The following CCDC171 variants were observed in gnomAD, a reference collection of about 807,000 sequenced individuals.
CCDC171 encodes the protein coiled-coil domain-containing protein 171.
Under a neutral mutation model 168.2 loss-of-function variants are expected in CCDC171, and 177 were observed. The ratio of observed to expected loss-of-function variants is 1.05; its 90% CI spans 0.93 to 1.19. The LOEUF is 1.19. Among genes scored for constraint, CCDC171 ranks in the 50% most tolerant of loss-of-function variants. CCDC171 has a pLI of 0.00. For synonymous variants in CCDC171, 687 were observed against 540.8 expected (o/e 1.27, Z -3.75); for missense variants, 1,991 against 1,539.0 (o/e 1.29, Z -4.91).
intron 6 of CCDC171, among the ~76,000 whole-genome samples, chr9:15,617,692 G>C (rs913755351): frequency 1.3e-5 from 2 of 152,038 alleles, no homozygotes; most frequent in Non-Finnish European, 2.9e-5. Flanking sequence ...GGGGGTTCTT[G>C]ATGTTGATGT....
chr9:15,784,590 C>G lies in CCDC171; in HGVS notation c.3163C>G (p.Leu1055Val), dbSNP rs1391854322. 1 of 1,612,836 alleles carries G rather than the reference C, an allele frequency of 6.2e-7. No homozygotes were observed. Among genetic ancestry groups the G allele is most frequent in the Non-Finnish European group, 8.5e-7 (1 of 1,179,076 alleles). ...ACTTCGGGAAGAGCAGGCACAAATG[C>G]TATTGAATGAACAGGCACAACAACT... is the stretch of plus-strand genomic sequence containing the variant. The part of the protein sequence containing the change: ...ALLREEQAQM[L>V]LNEQAQQLQE... The change falls in exon 21 of 26, where the codon CTA (leucine) becomes GTA (valine). Residue 1055 changes from leucine (L) to valine (V), a missense_variant. By Grantham distance (32) the Leu-to-Val change is conservative. Coordinates refer to ENST00000380701, the MANE Select transcript of CCDC171 (RefSeq NM_173550.4).
chr9:15,614,357 A>G (rs1254834832), intron 6 of CCDC171, among the ~76,000 whole-genome samples: 1 of 152,134 alleles, frequency 6.6e-6, no homozygotes, highest in Non-Finnish European at 1.5e-5. Flanking sequence ...TTCTGAGGCA[A>G]TTGATTTTTG....
chr9:16,078,424 G>A, the CCDC171 span, among the ~76,000 whole-genome samples: 1 of 152,168 alleles, frequency 6.6e-6, no homozygotes, highest in Non-Finnish European at 1.5e-5. Context: ...TGGCTGATCT[G>A]CATGCAGTTG....
intron 18 of CCDC171, among the ~76,000 whole-genome samples, chr9:15,751,139 A>T (rs2055711204): frequency 6.6e-6 from 1 of 152,194 alleles, no homozygotes; most frequent in Admixed American, 6.5e-5. Flanking sequence ...TAACAGTCCA[A>T]CAGAGAGCCA....
At chr9:15,576,869 C>T (rs781098610) in intron 3 of CCDC171, among the ~76,000 whole-genome samples, 3 of 152,138 alleles carry the variant, frequency 2.0e-5, no homozygotes, top group South Asian at 2.1e-4. Context: ...GTGAACAGAG[C>T]GGTGTAGGTG....
chr9:15,636,334 TTTGAAATAGTATTTTAAC>T (rs1352838090), intron 7 of CCDC171, among the ~76,000 whole-genome samples: 1 of 152,160 alleles, frequency 6.6e-6, no homozygotes, highest in African/African-American at 2.4e-5. Context: ...TGAAATTATA[TTTGAAATAGTATTTTAAC>T]ATATTGTCTT....
At chr9:15,990,352 A>G (rs1186844785) in intron 3 of CCDC171, among the ~76,000 whole-genome samples, 8 of 152,182 alleles carry the variant, frequency 5.3e-5, no homozygotes, top group Non-Finnish European at 1.2e-4. Context: ...GAGAAATAAA[A>G]TCCTTAACAG....
At chr9:16,014,951 T>C (rs1166722182) in intron 3 of CCDC171, among the ~76,000 whole-genome samples, 1 of 152,132 alleles carries the variant, frequency 6.6e-6, no homozygotes. Flanking sequence ...CATTAGCCGC[T>C]AACAAGAGTG....
At position 15,582,699 on chromosome 9, in the gene CCDC171, G is replaced by A. The variant is rs148211292; in HGVS notation, c.352+3676G>A. On this transcript the variant is annotated intron_variant, in intron 4 of 25. Coordinates refer to ENST00000380701, the MANE Select transcript of CCDC171 (RefSeq NM_173550.4). ...ACACAAGAACAGAAAACCAAACAGC[G>A]CATGTTCTCACTCATAAGTGGGAGT... Among the ~76,000 whole-genome samples, 84 of 151,892 alleles carry A rather than the reference G, an allele frequency of 5.5e-4. 1 individual carries two copies. In the East Asian group the frequency reaches 0.012, roughly 22 times the overall value.
At chr9:15,764,577 G>A (rs1319153026) in intron 18 of CCDC171, among the ~76,000 whole-genome samples, 1 of 152,164 alleles carries the variant, frequency 6.6e-6, no homozygotes, top group African/African-American at 2.4e-5. Flanking sequence ...ACTGAAATGG[G>A]GAGATTAGAG....
chr9:15,568,683 C>G (rs767107795), intron 2 of CCDC171, among the ~76,000 whole-genome samples: 3 of 152,116 alleles, frequency 2.0e-5, no homozygotes, highest in Non-Finnish European at 4.4e-5. Flanking sequence ...GTTTCATATG[C>G]TTGTTGGCTG....
At chr9:15,839,526 C>T (rs117540600) in intron 21 of CCDC171, among the ~76,000 whole-genome samples, 1 of 152,156 alleles carries the variant, frequency 6.6e-6, no homozygotes, top group Non-Finnish European at 1.5e-5. Context: ...TCGTGTAAAA[C>T]AGGAATGGTA....
intron 25 of CCDC171, among the ~76,000 whole-genome samples, chr9:15,921,115 T>TG (rs1205290422): frequency 6.6e-6 from 1 of 151,812 alleles, no homozygotes; most frequent in Non-Finnish European, 1.5e-5. Flanking sequence ...ATAATTGGAA[T>TG]GTCTTTTTAA....
At chr9:15,837,808 G>T (rs952460362) in intron 21 of CCDC171, among the ~76,000 whole-genome samples, 2 of 152,102 alleles carry the variant, frequency 1.3e-5, no homozygotes, top group African/African-American at 4.8e-5. Context: ...AACTTTCATG[G>T]TTTATTGCAC....
intron 24 of CCDC171, among the ~76,000 whole-genome samples, chr9:15,903,872 G>A (rs1822096755): frequency 6.6e-6 from 1 of 152,222 alleles, no homozygotes; most frequent in Non-Finnish European, 1.5e-5. Context: ...AGAGGTACGT[G>A]ACGAATGCAT....
At chr9:15,657,376 G>A (rs1587783670) in intron 8 of CCDC171, 157 bp downstream of exon 8, 3 of 488,766 alleles carry the variant, frequency 6.1e-6, no homozygotes, top group Non-Finnish European at 7.6e-6. Flanking sequence ...GGATACAGTT[G>A]AGATATGCTA....
intron 1 of CCDC171, among the ~76,000 whole-genome samples, chr9:16,045,183 C>G (rs570679665): frequency 6.6e-6 from 1 of 152,156 alleles, no homozygotes; most frequent in South Asian, 2.1e-4. Flanking sequence ...GAAGCACACC[C>G]TGAGACAATG....
At chr9:15,954,209 C>A (rs747648002) in intron 25 of CCDC171, among the ~76,000 whole-genome samples, 2 of 149,578 alleles carry the variant, frequency 1.3e-5, no homozygotes, top group Non-Finnish European at 3.0e-5. Context: ...TTTCCCCCTT[C>A]CTTCTGCTAG....
chr9:15,728,242 C>T (rs1456389002), intron 15 of CCDC171, among the ~76,000 whole-genome samples: 3 of 152,106 alleles, frequency 2.0e-5, no homozygotes, highest in Non-Finnish European at 4.4e-5. Context: ...TGTATGAAGT[C>T]TCTAAGCTCC....
Sources: allele counts gnomAD v4.1 joint callset (sites outside exome capture counted in the v4.1 genomes callset), GRCh38; gene constraint gnomAD v4.1.1; transcripts MANE v1.5; gene names NCBI Gene and HGNC (gene_info 2026-07-23, HGNC 2026-07-21).